The following ADAMTS16 variants were observed in gnomAD, a reference collection of about 807,000 sequenced individuals.
ADAMTS16 encodes the protein A disintegrin and metalloproteinase with thrombospondin motifs 16.
ADAMTS16 carries 94 observed loss-of-function variants against 145.8 expected under a neutral mutation model. That is an observed-to-expected ratio of 0.64 (90% CI 0.55 to 0.77). ADAMTS16 has a LOEUF of 0.77. ADAMTS16 is among the 30% of genes least tolerant of loss of function. The pLI is 0.00. For synonymous variants in ADAMTS16, 659 were observed against 604.3 expected, an observed-to-expected ratio of 1.09 and a Z score of -1.33; for missense variants, 1,585 against 1,591.5, an observed-to-expected ratio of 1.00 and a Z score of 0.07.
Position 5,317,203 on chromosome 5 carries a change from C to G in ADAMTS16, c.3412-931C>G, listed in dbSNP as rs1281363715. Among the ~76,000 whole-genome samples the G allele has an allele frequency of 6.6e-6, 1 of 152,166 alleles. No individual in the cohort carries two copies. The highest frequency in any genetic ancestry group is 1.5e-5 in the Non-Finnish European group (1 of 68,034). ...AGGTGGTAACATCAGCAACCGTGTT[C>G]TCTGAAATACCGTAAATAGAAACCA... On this transcript the variant is annotated intron_variant, in intron 21 of 22. Coordinates refer to ENST00000274181, the MANE Select transcript of ADAMTS16 (RefSeq NM_139056.4). The surrounding 1 kb of genome is among the most constrained non-coding windows in gnomAD (Gnocchi z 4.5).
intron 9 of ADAMTS16, among the ~76,000 whole-genome samples, chr5:5,202,585 A>G (rs1735991156): frequency 6.6e-6 from 1 of 152,200 alleles, no homozygotes. Context: ...GGTAACAAGG[A>G]AGATTATTCA....
intron 9 of ADAMTS16, among the ~76,000 whole-genome samples, chr5:5,206,425 C>CAAAAAAAAAAAAAAAA (rs1173829992): frequency 1.5e-4 from 6 of 39,430 alleles, no homozygotes; most frequent in African/African-American, 5.9e-4. Flanking sequence ...GACTCCGTCT[C>CAAAAAAAAAAAAAAAA]AAAAAAAAAA....
chr5:5,204,399 T>C (rs1039885301), intron 9 of ADAMTS16, among the ~76,000 whole-genome samples: 1 of 152,192 alleles, frequency 6.6e-6, no homozygotes, highest in Non-Finnish European at 1.5e-5. Context: ...TTTGGCATGA[T>C]GAACGCAATA....
chr5:5,156,988 C>T (rs1379503471), intron 3 of ADAMTS16, among the ~76,000 whole-genome samples: 5 of 152,176 alleles, frequency 3.3e-5, no homozygotes, highest in African/African-American at 1.2e-4. Flanking sequence ...TCCTGTTGAT[C>T]CTCCATCCCC....
chr5:5,188,815 G>A (rs1735579674), intron 6 of ADAMTS16, among the ~76,000 whole-genome samples: 1 of 152,114 alleles, frequency 6.6e-6, no homozygotes, highest in Non-Finnish European at 1.5e-5. Flanking sequence ...TGTCTTTTGT[G>A]TGAGTGCGCA....
intron 3 of ADAMTS16, among the ~76,000 whole-genome samples, chr5:5,165,302 C>T (rs270178): frequency 0.53 from 80,228 of 151,914 alleles, 21,454 homozygotes; most frequent in East Asian, 0.75. Flanking sequence ...TGCTCAGCGG[C>T]GCCCCATCGT....
At chr5:5,203,126 T>G (rs978931803) in intron 9 of ADAMTS16, among the ~76,000 whole-genome samples, 1 of 152,220 alleles carries the variant, frequency 6.6e-6, no homozygotes, top group Non-Finnish European at 1.5e-5. Context: ...TACCAATTTC[T>G]TTTGACCACA....
At chr5:5,161,623 A>T (rs898648404) in intron 3 of ADAMTS16, among the ~76,000 whole-genome samples, 2 of 152,278 alleles carry the variant, frequency 1.3e-5, no homozygotes, top group Non-Finnish European at 2.9e-5. Context: ...TGATGAGCTA[A>T]ATTTCCAAAT....
chr5:5,305,394 C>CCA (rs112974481), intron 20 of ADAMTS16, among the ~76,000 whole-genome samples: 2,263 of 47,404 alleles, frequency 0.048, 335 homozygotes, highest in Non-Finnish European at 0.069. Context: ...CAATCCCACA[C>CCA]CACACACACA....
intron 18 of ADAMTS16, among the ~76,000 whole-genome samples, chr5:5,281,948 G>A (rs906963752): frequency 3.3e-5 from 5 of 152,174 alleles, no homozygotes; most frequent in Non-Finnish European, 7.3e-5. Flanking sequence ...TACAGAAAAC[G>A]AAGGCCCTCA....
At position 5,317,783 on chromosome 5, in the gene ADAMTS16, T is replaced by C. The variant is rs1734113897; in HGVS notation, c.3412-351T>C. Among the ~76,000 whole-genome samples, 1 of 152,188 alleles carries C rather than the reference T, an allele frequency of 6.6e-6. No homozygotes were observed. Among genetic ancestry groups the C allele is most frequent in the Admixed American group, 6.5e-5 (1 of 15,284 alleles). The stretch of plus-strand genomic sequence containing the variant: ...CTGTTGAGACTATAGAATCCAACTC[T>C]AGCGGTTCAAATCCCAGCCTGAGCA... On this transcript the variant is annotated intron_variant, in intron 21 of 22. Coordinates refer to ENST00000274181, the MANE Select transcript of ADAMTS16 (RefSeq NM_139056.4). This position sits in a 1 kb window ranked among gnomAD's most constrained non-coding sequence, Gnocchi z 4.5.
intron 17 of ADAMTS16, among the ~76,000 whole-genome samples, chr5:5,242,856 A>T (rs936606206): frequency 2.6e-5 from 4 of 152,222 alleles, no homozygotes; most frequent in African/African-American, 9.6e-5. Context: ...ATAAACAGTG[A>T]TGAGTAAATA....
chr5:5,282,911 C>T (rs572185609), intron 18 of ADAMTS16, among the ~76,000 whole-genome samples: 1 of 150,502 alleles, frequency 6.6e-6, no homozygotes, highest in South Asian at 2.1e-4. Flanking sequence ...GTTATTTTTT[C>T]CTTAATAATG....
chr5:5,289,456 G>A (rs1250686375), intron 18 of ADAMTS16, among the ~76,000 whole-genome samples: 2 of 152,154 alleles, frequency 1.3e-5, no homozygotes, highest in African/African-American at 4.8e-5. Flanking sequence ...TTGTTTCATT[G>A]TTAACATTCC....
intron 9 of ADAMTS16, among the ~76,000 whole-genome samples, chr5:5,207,941 G>T (rs1736173930): frequency 6.6e-6 from 1 of 152,064 alleles, no homozygotes; most frequent in South Asian, 2.1e-4. Flanking sequence ...ATTTTGTTGA[G>T]AATTTTTGTA....
In ADAMTS16 at chr5:5,200,237, C is replaced by A. The variant is rs752931898; in HGVS notation, c.1419C>A (p.Pro473=). The A allele has an allele frequency of 1.2e-6, 2 of 1,614,090 alleles. No individual in the cohort carries two copies. The highest frequency in any genetic ancestry group is 3.3e-5 in the Admixed American group (2 of 60,014). The part of the protein sequence containing the change: ...AGRNGVFSWS[P]CSRQYLHKFL... ...GCAATGGAGTCTTCTCCTGGTCACC[C>A]TGCAGCCGCCAGTATCTACACAAAT... Residue 473 remains proline (P), a synonymous_variant, in exon 9 of 23, where the codon CCC becomes CCA. Transcript: ENST00000274181.
At chr5:5,182,362 AT>A in intron 4 of ADAMTS16, 57 bp downstream of exon 4, 1 of 1,558,512 alleles carries the variant, frequency 6.4e-7, no homozygotes, top group Non-Finnish European at 8.7e-7. Flanking sequence ...ATGTAAGCTG[AT>A]GGAAGCTTGT....
intron 3 of ADAMTS16, among the ~76,000 whole-genome samples, chr5:5,157,037 T>G (rs1734621866): frequency 6.6e-6 from 1 of 152,184 alleles, no homozygotes; most frequent in Non-Finnish European, 1.5e-5. Context: ...TGACTTTGAT[T>G]CCTTTTAAAA....
At chr5:5,232,015 T>C (rs191654435) in intron 11 of ADAMTS16, among the ~76,000 whole-genome samples, 23 of 152,324 alleles carry the variant, frequency 1.5e-4, no homozygotes, top group African/African-American at 5.1e-4. Flanking sequence ...AGCACCTTGT[T>C]TTCAGGACAG....
Sources: gnomAD v4.1 joint callset for allele counts (sites outside exome capture counted in the v4.1 genomes callset) on GRCh38, gnomAD v4.1.1 for gene constraint, Gnocchi (gnomAD v3.1) non-coding constraint, MANE v1.5 for transcripts, NCBI Gene and HGNC (gene_info 2026-07-23, HGNC 2026-07-21) for gene names.